The following RGS22 variants were observed in gnomAD, a reference collection of about 807,000 sequenced individuals.
The protein encoded by RGS22 is regulator of G-protein signaling 22.
In RGS22, 148 loss-of-function variants were observed where a neutral mutation model predicts 172.9. The observed-to-expected ratio is 0.86, with a 90% confidence interval of 0.75 to 0.98. The LOEUF is 0.98. RGS22 is among the 50% of genes least tolerant of loss of function. The pLI is 0.00. For missense variants in RGS22, 1,347 were observed against 1,440.8 expected (o/e 0.93, Z 1.05); for synonymous variants, 458 against 480.2 (o/e 0.95, Z 0.60).
chr8:100,084,305 A>G (rs1457139413), intron 3 of RGS22, among the ~76,000 whole-genome samples: 2 of 152,330 alleles, frequency 1.3e-5, no homozygotes, highest in African/African-American at 2.4e-5. Flanking sequence ...TGCACTTACA[A>G]AAATACTTGA....
intron 3 of RGS22, among the ~76,000 whole-genome samples, chr8:100,090,178 A>G (rs1205256198): frequency 3.3e-5 from 5 of 152,192 alleles, no homozygotes; most frequent in Non-Finnish European, 7.4e-5. Context: ...CTCACTTGAT[A>G]ATAATTTTGT....
At position 100,071,445 on chromosome 8, in the gene RGS22, G is replaced by A. The variant is rs1202402995; in HGVS notation, c.518C>T (p.Pro173Leu). 1.2e-6 allele frequency: 2 copies of A among 1,613,058 alleles called. No individual in the cohort carries two copies. Among genetic ancestry groups the A allele is most frequent in the African/African-American group, 2.7e-5 (2 of 74,850 alleles). ...AGTGGCAGGAGGTGGTAGACTGGGT[G>A]GTTTTTTCACGATCCAGGGAGAAAA... ...SNFSPWIVKK[P>L]PSLPPPATEE... The change falls in exon 6 of 28, where the codon CCA becomes CTA. Residue 173 changes from proline (P) to leucine (L), a missense_variant. By Grantham distance (98) the Pro-to-Leu change is moderately conservative. Transcript: ENST00000360863.
intron 15 of RGS22, among the ~76,000 whole-genome samples, chr8:100,007,984 C>CAA (rs1487318239): frequency 6.6e-6 from 1 of 151,782 alleles, no homozygotes; most frequent in Non-Finnish European, 1.5e-5. Context: ...TGCTGCTTAT[C>CAA]ATCAGCAGTA....
chr8:100,105,218 A>G (rs1370825850), intron 2 of RGS22, among the ~76,000 whole-genome samples, 156 bp downstream of exon 2: 7 of 152,250 alleles, frequency 4.6e-5, no homozygotes, highest in Admixed American at 4.6e-4. Context: ...CAGATAAAGA[A>G]TTTAAAAAGA....
rs755554628 is a variant in RGS22, at chr8:100,093,498, CAG to C, written c.64_65del (p.Leu22GlyfsTer4). ...TITEEEFEDSLATDDFLVDYF... is the reference protein window; with the variant it reads ...TITEEEFEDSXATDDFLVDYF... ...AGTCTACAAGGAAATCATCTGTTGC[CAG>C]AGAATCTTCCTGCAAAAAAAAAACA... On this transcript the variant is annotated frameshift_variant, in exon 3 of 28. Transcript: ENST00000360863. LOFTEE classifies it high-confidence loss of function. 6.3e-7 allele frequency: 1 copy of C among 1,587,886 alleles called. No homozygotes were observed. Among genetic ancestry groups the C allele is most frequent in the East Asian group, 2.2e-5 (1 of 44,556 alleles).
intron 1 of RGS22, 154 bp downstream of exon 1, chr8:100,105,743 A>T: frequency 1.6e-6 from 1 of 642,126 alleles, no homozygotes; most frequent in East Asian, 3.3e-5. Context: ...GAAATTCGTC[A>T]TAAAATCCAA....
chr8:100,080,038 G>C, intron 4 of RGS22, 96 bp downstream of exon 4: 1 of 830,338 alleles, frequency 1.2e-6, no homozygotes, highest in Non-Finnish European at 1.9e-6. Context: ...GCTAATAAAT[G>C]TAGCTACACT....
At chr8:100,046,720 G>A (rs1312673313) in intron 11 of RGS22, among the ~76,000 whole-genome samples, 1 of 151,590 alleles carries the variant, frequency 6.6e-6, no homozygotes, top group Non-Finnish European at 1.5e-5. Context: ...CAGAGAATAA[G>A]AATTCACAGA....
At chr8:100,046,501 A>C (rs958047755) in intron 11 of RGS22, 7 of 147,744 alleles carry the variant, frequency 4.7e-5, no homozygotes, top group African/African-American at 1.7e-4. Context: ...GTTGCAATTT[A>C]AAAAAAAAAG....
At chr8:100,090,337 T>C (rs1367051814) in intron 3 of RGS22, among the ~76,000 whole-genome samples, 1 of 152,002 alleles carries the variant, frequency 6.6e-6, no homozygotes, top group Non-Finnish European at 1.5e-5. Context: ...GATTTGAGCA[T>C]GGGAAGAATA....
At chr8:100,060,421 T>TATATATATATATACACAC (rs1245783464) in intron 9 of RGS22, among the ~76,000 whole-genome samples, 6 of 119,482 alleles carry the variant, frequency 5.0e-5, no homozygotes, top group African/African-American at 1.4e-4. Context: ...TATATATATA[T>TATATATATATATACACAC]ACACACACAC....
chr8:100,060,108 A>G (rs1050897079), intron 9 of RGS22, among the ~76,000 whole-genome samples: 1 of 152,140 alleles, frequency 6.6e-6, no homozygotes. Flanking sequence ...TCACACTCAC[A>G]TGGAACAATT....
intron 14 of RGS22, among the ~76,000 whole-genome samples, chr8:100,029,285 T>C (rs572845533): frequency 6.6e-6 from 1 of 152,156 alleles, no homozygotes. Context: ...CTACATAAAC[T>C]ATGAGATAAT....
At chr8:100,032,112 A>G (rs1818883725) in intron 14 of RGS22, among the ~76,000 whole-genome samples, 1 of 152,216 alleles carries the variant, frequency 6.6e-6, no homozygotes. Context: ...GTATCAATTA[A>G]TGGGCAAAAT....
intron 20 of RGS22, among the ~76,000 whole-genome samples, chr8:99,992,981 T>G (rs1477314373): frequency 6.6e-6 from 1 of 152,070 alleles, no homozygotes; most frequent in Non-Finnish European, 1.5e-5. Context: ...ACCACACAAC[T>G]ACATGGAAAC....
intron 20 of RGS22, among the ~76,000 whole-genome samples, chr8:99,992,826 C>T (rs561936325): frequency 6.6e-6 from 1 of 152,292 alleles, no homozygotes; most frequent in South Asian, 2.1e-4. Context: ...CTTCTCAGCA[C>T]CACATCACAT....
chr8:99,968,199 G>C (rs1810958267), intron 23 of RGS22, among the ~76,000 whole-genome samples: 1 of 151,882 alleles, frequency 6.6e-6, no homozygotes, highest in Non-Finnish European at 1.5e-5. Flanking sequence ...CAACAAAAAG[G>C]GCACCCACAG....
At chr8:100,100,463 T>C (rs1813386151) in intron 2 of RGS22, among the ~76,000 whole-genome samples, 1 of 152,142 alleles carries the variant, frequency 6.6e-6, no homozygotes, top group Admixed American at 6.5e-5. Context: ...CTAATTTTTG[T>C]ATTTTTGGTA....
chr8:100,047,707 C>T, intron 10 of RGS22, 111 bp from the exon 11 acceptor site: 1 of 931,164 alleles, frequency 1.1e-6, no homozygotes, highest in South Asian at 3.1e-5. Context: ...TTCCCTTTGC[C>T]TCCTACAATG....
Sources: gnomAD v4.1 joint callset for allele counts (sites outside exome capture counted in the v4.1 genomes callset) on GRCh38, gnomAD v4.1.1 for gene constraint, MANE v1.5 for transcripts, NCBI Gene and HGNC (gene_info 2026-07-23, HGNC 2026-07-21) for gene names.